The following PCDHA5 variants were observed in gnomAD, a reference collection of about 807,000 sequenced individuals.
The protein encoded by PCDHA5 is protocadherin alpha 5, also known as protocadherin alpha-5.
In PCDHA5, 43 loss-of-function variants were observed where a neutral mutation model predicts 61.6. That is an observed-to-expected ratio of 0.70 (90% CI 0.55 to 0.90). The LOEUF is 0.90. Ranked by LOEUF, PCDHA5 falls within the 40% of genes least tolerant of loss-of-function variation. The pLI, the probability that PCDHA5 is intolerant of heterozygous loss-of-function variation, is 0.00. For synonymous variants in PCDHA5, 627 were observed against 543.9 expected (o/e 1.15, Z -2.13); for missense variants, 1,298 against 1,222.7 (o/e 1.06, Z -0.92).
chr5:140,844,242 G>T (rs73280579), intron 1 of PCDHA5, among the ~76,000 whole-genome samples: 1 of 149,206 alleles, frequency 6.7e-6, no homozygotes. Flanking sequence ...CACTATTGCC[G>T]TTTTAAGCAG....
chr5:140,882,814 A>AGT, intron 1 of PCDHA5: 3 of 1,614,248 alleles, frequency 1.9e-6, no homozygotes, highest in Non-Finnish European at 2.5e-6. Context: ...CTTTGGACGC[A>AGT]CAAAACAGTC....
intron 1 of PCDHA5, among the ~76,000 whole-genome samples, chr5:140,909,383 C>T (rs782249699): frequency 5.9e-5 from 9 of 152,202 alleles, no homozygotes; most frequent in Non-Finnish European, 1.3e-4. Flanking sequence ...GAAACCACAT[C>T]TAGTACAGCA....
chr5:140,850,250 G>T (rs2150475592), intron 1 of PCDHA5: 2 of 1,594,024 alleles, frequency 1.3e-6, no homozygotes, highest in South Asian at 2.2e-5. Flanking sequence ...TGCGGTCGGT[G>T]GGCGCCGGCG....
At chr5:140,864,577 A>G (rs1554158987) in intron 1 of PCDHA5, 2 of 152,198 alleles carry the variant, frequency 1.3e-5, no homozygotes, top group African/African-American at 4.8e-5. Context: ...TTGTCTTCAC[A>G]ATCTTCAACT....
In PCDHA5 at chr5:141,009,853, G is replaced by A. The variant is rs1482682626; in HGVS notation, c.2727G>A (p.Lys909=). The change falls in exon 4 of 4, where the codon AAG becomes AAA. Residue 909 remains lysine (K), a synonymous_variant. Transcript: ENST00000529859. ...FITFGKKEET[K]KKKKKKKGNK... ...CCTTCGGCAAAAAGGAGGAGACCAAGAAAAAGAAGAAAAAGAAGAAGGGTA... is the reference window on the plus strand; with the variant it reads ...CCTTCGGCAAAAAGGAGGAGACCAAAAAAAAGAAGAAAAAGAAGAAGGGTA... 12 of 1,613,590 alleles carry A rather than the reference G, an allele frequency of 7.4e-6. No individual in the cohort carries two copies. Among genetic ancestry groups the A allele is most frequent in the Non-Finnish European group, 1.0e-5 (12 of 1,179,924 alleles).
In PCDHA5 at chr5:140,858,119, C is replaced by G. The variant is rs1444406371; in HGVS notation, c.2352+33992C>G. The G allele has an allele frequency of 1.6e-5, 26 of 1,597,694 alleles. 1 individual carries two copies. The highest frequency in any genetic ancestry group is 2.1e-5 in the Non-Finnish European group (25 of 1,167,644). On this transcript the variant is annotated intron_variant, in intron 1 of 3. Transcript: ENST00000529859. The stretch of plus-strand genomic sequence containing the variant: ...AGTGGGCGTGGCGCCCGAGGTGGCC[C>G]TGGTGGATGTCAACGTGTACCTGAT...
intron 1 of PCDHA5, among the ~76,000 whole-genome samples, chr5:140,923,489 A>G (rs549066009): frequency 2.2e-4 from 34 of 152,300 alleles, no homozygotes; most frequent in African/African-American, 7.5e-4. Context: ...TCTTCACACC[A>G]CTGCACTCCA....
intron 3 of PCDHA5, among the ~76,000 whole-genome samples, chr5:140,995,888 T>C (rs1307052037): frequency 3.3e-5 from 5 of 152,216 alleles, no homozygotes; most frequent in Non-Finnish European, 5.9e-5. Flanking sequence ...GCTTCAGATT[T>C]ATCAATGTAT....
intron 1 of PCDHA5, chr5:140,877,782 G>A (rs1389004100): frequency 6.2e-7 from 1 of 1,614,036 alleles, no homozygotes; most frequent in Non-Finnish European, 8.5e-7. Context: ...CGGACCTCAT[G>A]GCCTTCAGCC....
rs1554168216 is a variant in PCDHA5, at chr5:140,876,040, A to G, written c.2352+51913A>G. 2 of 1,613,752 alleles carry G rather than the reference A, an allele frequency of 1.2e-6. No homozygotes were observed. Among genetic ancestry groups the G allele is most frequent in the African/African-American group, 1.3e-5 (1 of 74,922 alleles). ...AATAAAAACAAAAAAAGATAAAAGT[A>G]TATTGCCTGAATTAGTTCTTCGGAA... On this transcript the variant is annotated intron_variant, in intron 1 of 3. Coordinates refer to ENST00000529859, the MANE Select transcript of PCDHA5 (RefSeq NM_018908.3).
intron 1 of PCDHA5, among the ~76,000 whole-genome samples, chr5:140,898,193 A>G (rs1352716396): frequency 1.7e-4 from 26 of 152,114 alleles, no homozygotes; most frequent in African/African-American, 5.3e-4. Flanking sequence ...CTTTAGTTTA[A>G]TTAGATCCCA....
intron 1 of PCDHA5, chr5:140,869,097 G>T (rs1344358126): frequency 1.3e-6 from 2 of 1,595,318 alleles, no homozygotes; most frequent in Non-Finnish European, 1.7e-6. Flanking sequence ...AGCCAATTTC[G>T]TATGCGATGT....
At chr5:140,863,431 T>C (rs782746420) in intron 1 of PCDHA5, 12 of 648,614 alleles carry the variant, frequency 1.9e-5, no homozygotes, top group South Asian at 1.5e-4. Context: ...CGTAGTGGGA[T>C]CTGGTCTTAC....
chr5:140,922,326 G>A (rs2080778185), intron 1 of PCDHA5, among the ~76,000 whole-genome samples: 1 of 152,212 alleles, frequency 6.6e-6, no homozygotes, highest in Admixed American at 6.5e-5. Context: ...ATCTTGGAAA[G>A]GGTTGGTATA....
At position 140,829,715 on chromosome 5, in the gene PCDHA5, G is replaced by A. The variant is rs2150173253; in HGVS notation, c.2352+5588G>A. On this transcript the variant is annotated intron_variant, in intron 1 of 3. Coordinates refer to ENST00000529859, the MANE Select transcript of PCDHA5 (RefSeq NM_018908.3). ...TCAGGTGAGCGCGCGCGACGCGGGC[G>A]TGCCGCCTCTGGGCAGCAACGTGAC... is the stretch of plus-strand genomic sequence containing the variant. 5.6e-6 allele frequency: 9 copies of A among 1,613,468 alleles called. No individual in the cohort carries two copies. The Admixed American group carries it at 1.0e-4, about 18-fold the overall frequency.
intron 1 of PCDHA5, chr5:140,969,054 A>G (rs782226153): frequency 6.2e-7 from 1 of 1,614,182 alleles, no homozygotes; most frequent in South Asian, 1.1e-5. Context: ...GCCAACAACA[A>G]TATTGATGCC....
intron 1 of PCDHA5, chr5:140,842,822 G>A (rs2150345251): frequency 1.9e-6 from 3 of 1,593,810 alleles, no homozygotes; most frequent in South Asian, 2.2e-5. Context: ...GCGGGTGGGC[G>A]AGCGCTCGCT....
chr5:140,898,035 TG>T (rs1376690690), intron 1 of PCDHA5, among the ~76,000 whole-genome samples: 1 of 152,120 alleles, frequency 6.6e-6, no homozygotes, highest in Non-Finnish European at 1.5e-5. Flanking sequence ...TTGATGGGGT[TG>T]TTTGTTTTTT....
chr5:140,851,389 T>C, intron 1 of PCDHA5: 1 of 974,212 alleles, frequency 1.0e-6, no homozygotes, highest in Non-Finnish European at 1.2e-6. Flanking sequence ...ACCTTCAGTA[T>C]CTATTATTTT....
Sources: gnomAD v4.1 joint callset for allele counts (sites outside exome capture counted in the v4.1 genomes callset) on GRCh38, gnomAD v4.1.1 for gene constraint, MANE v1.5 for transcripts, NCBI Gene and HGNC (gene_info 2026-07-23, HGNC 2026-07-21) for gene names.